Variants in ZZZ3 observed in about 807,000 individuals in gnomAD.
ZZZ3 encodes zinc finger ZZ-type containing 3.
Under a neutral mutation model 95.2 loss-of-function variants are expected in ZZZ3, and 22 were observed. That is an observed-to-expected ratio of 0.23 (90% CI 0.17 to 0.33). The LOEUF is 0.33. Among genes scored for constraint, ZZZ3 ranks in the 10% least tolerant of loss-of-function variants. The pLI, the probability that ZZZ3 is intolerant of heterozygous loss-of-function variation, is 1.00. For synonymous variants in ZZZ3, 335 were observed against 358.9 expected (o/e 0.93, Z 0.75); for missense variants, 885 against 1,066.5 (o/e 0.83, Z 2.37).
chr1:77,654,046 G>C (rs1042482984), intron 1 of ZZZ3, among the ~76,000 whole-genome samples: 2 of 151,884 alleles, frequency 1.3e-5, no homozygotes, highest in Non-Finnish European at 2.9e-5. Context: ...AAATTAGCCA[G>C]GTGTGGTAGC....
chr1:77,571,013 T>C (rs1438647703), intron 12 of ZZZ3, among the ~76,000 whole-genome samples: 1 of 151,962 alleles, frequency 6.6e-6, no homozygotes, highest in African/African-American at 2.4e-5. Context: ...TGTTTGATGA[T>C]TGTTATTACC....
At chr1:77,591,475 G>A (rs977185084) in intron 5 of ZZZ3, among the ~76,000 whole-genome samples, 2 of 152,134 alleles carry the variant, frequency 1.3e-5, no homozygotes, top group African/African-American at 2.4e-5. Flanking sequence ...CCAAGTAGCT[G>A]GGACTACAGG....
chr1:77,607,029 T>C (rs1346998040), intron 5 of ZZZ3, among the ~76,000 whole-genome samples: 1 of 152,124 alleles, frequency 6.6e-6, no homozygotes, highest in African/African-American at 2.4e-5. Context: ...GAAACAGACA[T>C]ATGTGACCTT....
intron 5 of ZZZ3, among the ~76,000 whole-genome samples, chr1:77,592,468 T>C (rs1221358634): frequency 6.6e-6 from 1 of 152,000 alleles, no homozygotes; most frequent in East Asian, 1.9e-4. Context: ...CGCCTGGCTA[T>C]TTTTTGTATT....
At position 77,621,803 on chromosome 1, in the gene ZZZ3, C is replaced by A. The variant is rs541835710; in HGVS notation, c.1505+10047G>T. On this transcript the variant is annotated intron_variant, in intron 5 of 14. Transcript: ENST00000370801. ...CTGTACTCCAGCCTGGGGAACAGAG[C>A]AAGACCCTGTCTTGAAAAAATATAA... 2.0e-5 allele frequency among the ~76,000 whole-genome samples: 3 copies of A among 151,940 alleles called. No individual in the cohort carries two copies. In the East Asian group the frequency reaches 5.8e-4, roughly 30 times the overall value.
chr1:77,596,838 T>A (rs1664257561), intron 5 of ZZZ3, among the ~76,000 whole-genome samples: 1 of 152,082 alleles, frequency 6.6e-6, no homozygotes, highest in African/African-American at 2.4e-5. Context: ...GGAAGGAGGC[T>A]AGAATGATCC....
At chr1:77,608,977 G>A (rs11162368) in intron 5 of ZZZ3, among the ~76,000 whole-genome samples, 1 of 151,692 alleles carries the variant, frequency 6.6e-6, no homozygotes, top group Admixed American at 6.6e-5. Flanking sequence ...ACGAAGAGAG[G>A]ACCACAAAAC....
intron 5 of ZZZ3, among the ~76,000 whole-genome samples, chr1:77,631,402 G>A (rs1034734844): frequency 7.2e-5 from 11 of 151,974 alleles, no homozygotes; most frequent in African/African-American, 2.7e-4. Flanking sequence ...ATTTTAATTG[G>A]GAATTAAATG....
intron 1 of ZZZ3, among the ~76,000 whole-genome samples, chr1:77,665,770 T>C (rs1255708252): frequency 6.6e-6 from 1 of 152,150 alleles, no homozygotes; most frequent in Non-Finnish European, 1.5e-5. Flanking sequence ...AAGCCAGGTG[T>C]GGTGGCTCAT....
At position 77,565,799 on chromosome 1, in the gene ZZZ3, A is replaced by T; in HGVS notation, c.2568-15T>A. The T allele has an allele frequency of 6.2e-7, 1 of 1,606,528 alleles. No individual in the cohort carries two copies. Among genetic ancestry groups the T allele is most frequent in the Non-Finnish European group, 8.5e-7 (1 of 1,176,514 alleles). On this transcript the variant is annotated splice_polypyrimidine_tract_variant and intron_variant, in intron 14 of 14. Coordinates refer to ENST00000370801, the MANE Select transcript of ZZZ3 (RefSeq NM_015534.6). ...TTTCATGTAGACTGTAAAGAAAAAA[A>T]GACACACATCATTACATGGTAGTGG... is the stretch of plus-strand genomic sequence containing the variant.
intron 5 of ZZZ3, among the ~76,000 whole-genome samples, chr1:77,625,921 T>C (rs1188910505): frequency 1.3e-5 from 2 of 151,256 alleles, no homozygotes; most frequent in Non-Finnish European, 2.9e-5. Flanking sequence ...CACTTGAACC[T>C]GGGAGGCAGA....
intron 1 of ZZZ3, among the ~76,000 whole-genome samples, chr1:77,681,506 T>C (rs933956560): frequency 5.3e-5 from 8 of 152,146 alleles, no homozygotes; most frequent in African/African-American, 1.9e-4. Flanking sequence ...TGGAGAGAAA[T>C]ATTAAATTGA....
intron 12 of ZZZ3, among the ~76,000 whole-genome samples, chr1:77,571,115 G>A (rs1016644117): frequency 6.6e-6 from 1 of 151,912 alleles, no homozygotes; most frequent in Non-Finnish European, 1.5e-5. Context: ...AGTAAGACAC[G>A]TCTTAATGAA....
chr1:77,659,685 CAA>C (rs573522172), intron 1 of ZZZ3, among the ~76,000 whole-genome samples: 10 of 53,224 alleles, frequency 1.9e-4, no homozygotes, highest in Admixed American at 4.3e-4. Flanking sequence ...GACTCCATCT[CAA>C]AAAAAAAAAA....
At chr1:77,614,418 C>T (rs1666109112) in intron 5 of ZZZ3, among the ~76,000 whole-genome samples, 1 of 152,196 alleles carries the variant, frequency 6.6e-6, no homozygotes, top group Non-Finnish European at 1.5e-5. Flanking sequence ...GGCTAAGACC[C>T]CCATTAACGT....
chr1:77,662,100 G>C (rs1459096291), intron 1 of ZZZ3, among the ~76,000 whole-genome samples: 1 of 151,390 alleles, frequency 6.6e-6, no homozygotes, highest in Non-Finnish European at 1.5e-5. Flanking sequence ...TGCAACCTCT[G>C]CCTCCCAGGT....
At chr1:77,581,919 G>A in intron 7 of ZZZ3, 28 bp from the exon 8 acceptor site, 1 of 1,606,342 alleles carries the variant, frequency 6.2e-7, no homozygotes, top group Non-Finnish European at 8.5e-7. Context: ...ATACAGAACT[G>A]TTAAAGCAAA....
rs1254779110 is a variant in ZZZ3 at position 77,633,496 on chromosome 1, T to C, written c.-51-91A>G. On this transcript the variant is annotated intron_variant, in intron 4 of 14. Coordinates refer to ENST00000370801, the MANE Select transcript of ZZZ3 (RefSeq NM_015534.6). ...AAGCTATAACTTTTTAATCCAAGTA[T>C]ACTTGGACATTACAGTCTATAACTA... 10 of 761,252 alleles carry C rather than the reference T, an allele frequency of 1.3e-5. No homozygotes were observed. In the Admixed American group the frequency reaches 2.0e-4, roughly 15 times the overall value. 47.2% of individuals were successfully genotyped at this position (761,252 alleles called of 1,614,324 possible). A position where few individuals can be genotyped will look rare whatever the true frequency, so the allele number is the denominator to read the frequency against.
At chr1:77,623,990 A>G in intron 5 of ZZZ3, among the ~76,000 whole-genome samples, 1 of 152,350 alleles carries the variant, frequency 6.6e-6, no homozygotes, top group Admixed American at 6.5e-5. Flanking sequence ...ACATTACAAT[A>G]TCTGATAACA....
Sources: gnomAD v4.1 joint callset for allele counts (sites outside exome capture counted in the v4.1 genomes callset) on GRCh38, gnomAD v4.1.1 for gene constraint, MANE v1.5 for transcripts, NCBI Gene and HGNC (gene_info 2026-07-23, HGNC 2026-07-21) for gene names.